The following MCTP1 variants were observed in gnomAD, a reference collection of about 807,000 sequenced individuals.
MCTP1 encodes the protein multiple C2 and transmembrane domain-containing protein 1.
In MCTP1, 69 loss-of-function variants were observed where a neutral mutation model predicts 120.6. The observed-to-expected ratio is 0.57, with a 90% CI of 0.47 to 0.70. The LOEUF (loss-of-function observed/expected upper bound fraction) is 0.70. Among genes scored for constraint, MCTP1 ranks in the 30% least tolerant of loss-of-function variants. MCTP1 has a pLI of 0.00. For missense variants in MCTP1, 1,203 were observed against 1,248.8 expected (o/e 0.96, Z 0.55); for synonymous variants, 529 against 493.1 (o/e 1.07, Z -0.96).
rs763415705 is a variant in MCTP1, at chr5:94,870,419, G to T, written c.2314C>A (p.Gln772Lys). Reference protein sequence around the residue: ...YIEEENRLSKQLLLRNFIRMK... With the variant: ...YIEEENRLSKKLLLRNFIRMK... ...ATTAATCTTTTCTTGCTTTTTACCT[G>T]TTTAGAGAGTCTGTTTTCCTCTTCA... The change falls in exon 16 of 23, where the codon CAG (glutamine) becomes AAG (lysine). Residue 772 changes from glutamine to lysine, a missense_variant and splice_region_variant. Around this residue, in one of 2 missense-constraint regions of MCTP1, gnomAD observed 740 missense variants for 871.1 expected, o/e 0.85. Transcript: ENST00000515393. 1.9e-6 allele frequency: 3 copies of T among 1,605,564 alleles called. No individual in the cohort carries two copies. Among genetic ancestry groups the T allele is most frequent in the African/African-American group, 2.7e-5 (2 of 74,830 alleles).
chr5:94,904,208 C>A (rs1806215114), intron 10 of MCTP1, among the ~76,000 whole-genome samples: 1 of 152,184 alleles, frequency 6.6e-6, no homozygotes, highest in Admixed American at 6.5e-5. Context: ...CACTCCATGG[C>A]TCCAGGACAA....
chr5:94,861,334 C>T (rs752580646), intron 17 of MCTP1, among the ~76,000 whole-genome samples: 25 of 151,832 alleles, frequency 1.6e-4, no homozygotes, highest in Non-Finnish European at 3.2e-4. Flanking sequence ...GGTAAATTAA[C>T]GAACACATTC....
chr5:94,762,862 G>C (rs923473790), intron 19 of MCTP1, among the ~76,000 whole-genome samples: 1 of 152,154 alleles, frequency 6.6e-6, no homozygotes, highest in Non-Finnish European at 1.5e-5. Context: ...TAATCTTCCT[G>C]ATACTGGAGC....
intron 1 of MCTP1, among the ~76,000 whole-genome samples, chr5:95,063,980 A>G (rs1454241388): frequency 2.0e-5 from 3 of 152,236 alleles, no homozygotes; most frequent in Non-Finnish European, 4.4e-5. Context: ...TAGAATTACA[A>G]GGAACACTGT....
chr5:94,859,323 G>A (rs1406543533), intron 17 of MCTP1, among the ~76,000 whole-genome samples: 2 of 151,628 alleles, frequency 1.3e-5, no homozygotes, highest in African/African-American at 4.8e-5. Flanking sequence ...ACAGGGTAGA[G>A]CCAGAAGTTA....
intron 17 of MCTP1, among the ~76,000 whole-genome samples, chr5:94,851,654 T>C (rs1050210599): frequency 6.6e-6 from 1 of 152,016 alleles, no homozygotes; most frequent in Admixed American, 6.6e-5. Flanking sequence ...ATATTTTTGA[T>C]ATATTTAGAA....
intron 1 of MCTP1, among the ~76,000 whole-genome samples, chr5:95,153,287 C>T (rs555827308): frequency 5.3e-5 from 8 of 152,322 alleles, no homozygotes; most frequent in Non-Finnish European, 8.8e-5. Context: ...CTTTCGCCCT[C>T]CTCCATGATT....
intron 1 of MCTP1, among the ~76,000 whole-genome samples, chr5:95,178,238 C>G (rs1432937380): frequency 6.6e-6 from 1 of 152,204 alleles, no homozygotes; most frequent in Non-Finnish European, 1.5e-5. Flanking sequence ...CTATCCTTGT[C>G]CCCACCTAGT....
chr5:95,227,140 C>CT (rs1437344715), intron 1 of MCTP1, among the ~76,000 whole-genome samples: 1 of 152,180 alleles, frequency 6.6e-6, no homozygotes, highest in Non-Finnish European at 1.5e-5. Flanking sequence ...GAACCTGACA[C>CT]TTTAAATCCT....
intron 1 of MCTP1, among the ~76,000 whole-genome samples, chr5:95,201,803 C>A (rs890456069): frequency 2.0e-5 from 3 of 151,806 alleles, no homozygotes; most frequent in Non-Finnish European, 1.5e-5. Context: ...CTGCACCTGG[C>A]CAAAAAAGTT....
intron 18 of MCTP1, among the ~76,000 whole-genome samples, chr5:94,785,929 T>C (rs1270787187): frequency 6.6e-6 from 1 of 152,110 alleles, no homozygotes; most frequent in Admixed American, 6.5e-5. Flanking sequence ...TTCAGGTAAA[T>C]GCACAGTTTA....
chr5:95,095,426 T>C (rs576914604), intron 1 of MCTP1, among the ~76,000 whole-genome samples: 2 of 152,282 alleles, frequency 1.3e-5, no homozygotes, highest in South Asian at 4.1e-4. Context: ...CTTCAATGCA[T>C]TGCAATAGCA....
At chr5:95,283,815 G>A in intron 1 of MCTP1, 41 bp downstream of exon 1, 1 of 1,315,084 alleles carries the variant, frequency 7.6e-7, no homozygotes, top group Admixed American at 4.2e-5. Flanking sequence ...GGGAGGCGTG[G>A]TCCCGCGCAC....
intron 2 of MCTP1, among the ~76,000 whole-genome samples, chr5:94,983,760 A>C (rs986629682): frequency 2.6e-5 from 4 of 152,204 alleles, no homozygotes; most frequent in Admixed American, 2.0e-4. Context: ...TGGGTATCCC[A>C]ATGCAATAGA....
At chr5:94,986,441 A>G (rs1332707349) in intron 2 of MCTP1, among the ~76,000 whole-genome samples, 1 of 152,178 alleles carries the variant, frequency 6.6e-6, no homozygotes. Context: ...TACTACAAGG[A>G]CTTTGATTCC....
At chr5:95,237,129 C>T (rs867153504) in intron 1 of MCTP1, among the ~76,000 whole-genome samples, 3 of 152,150 alleles carry the variant, frequency 2.0e-5, no homozygotes, top group Non-Finnish European at 2.9e-5. Context: ...TCCCCCACAT[C>T]CTCTCTGGAT....
chr5:94,986,931 T>C (rs1471429427), intron 2 of MCTP1, among the ~76,000 whole-genome samples: 1 of 152,160 alleles, frequency 6.6e-6, no homozygotes, highest in Admixed American at 6.6e-5. Context: ...AAGCCCCTAA[T>C]ATAAAATGGT....
intron 2 of MCTP1, among the ~76,000 whole-genome samples, chr5:95,001,547 A>G (rs1230108348): frequency 3.3e-5 from 5 of 152,208 alleles, no homozygotes; most frequent in Non-Finnish European, 7.3e-5. Flanking sequence ...AGGTGGTCTC[A>G]GATGGAAATG....
At chr5:94,960,657 T>C (rs184797473) in intron 2 of MCTP1, among the ~76,000 whole-genome samples, 44 of 152,020 alleles carry the variant, frequency 2.9e-4, no homozygotes, top group Non-Finnish European at 5.6e-4. Flanking sequence ...CCAAGAAACA[T>C]ATGAAAAAAA....
Sources: allele counts gnomAD v4.1 joint callset (sites outside exome capture counted in the v4.1 genomes callset), GRCh38; gene constraint gnomAD v4.1.1; regional missense constraint gnomAD v4.1.1; transcripts MANE v1.5; gene names NCBI Gene and HGNC (gene_info 2026-07-23, HGNC 2026-07-21).